The following MRPS17 variants were observed in gnomAD, a reference collection of about 807,000 sequenced individuals.
MRPS17 encodes the protein small ribosomal subunit protein uS17m.
MRPS17 carries 6 observed loss-of-function variants against 11.3 expected under a neutral mutation model. The ratio of observed to expected loss-of-function variants is 0.53; its 90% CI spans 0.29 to 1.05. The LOEUF (loss-of-function observed/expected upper bound fraction) is 1.05. MRPS17 is among the 50% of genes least tolerant of loss of function. MRPS17 has a pLI of 0.08. For synonymous variants in MRPS17, 56 were observed against 60.4 expected (o/e 0.93, Z 0.34); for missense variants, 139 against 153.6 (o/e 0.90, Z 0.50).
At chr7:55,953,374 T>A in intron 2 of MRPS17, 56 bp downstream of exon 2, 1 of 1,592,362 alleles carries the variant, frequency 6.3e-7, no homozygotes, top group South Asian at 1.1e-5. Context: ...ATGTCCTGGG[T>A]CCTAAGCAAA....
intron 2 of MRPS17, among the ~76,000 whole-genome samples, chr7:55,954,361 C>T (rs1475793994): frequency 6.6e-6 from 1 of 152,094 alleles, no homozygotes; most frequent in Admixed American, 6.6e-5. Flanking sequence ...TCTTGTTTAC[C>T]AGCTACACAC....
chr7:55,955,411 A>G lies in MRPS17; in HGVS notation c.*233A>G. 1 of 522,874 alleles carries G rather than the reference A, an allele frequency of 1.9e-6. No individual in the cohort carries two copies. The highest frequency in any genetic ancestry group is 3.4e-6 in the Non-Finnish European group (1 of 297,228). 32.4% of individuals were successfully genotyped at this position (522,874 alleles called of 1,614,324 possible). Reference sequence around the variant, plus strand: ...CTTCCACGTTACATTAAGTGTGCCTAGCAGTCTGTTGCATTTTGTAAGCTC... The same window carrying G: ...CTTCCACGTTACATTAAGTGTGCCTGGCAGTCTGTTGCATTTTGTAAGCTC... On this transcript the variant is annotated 3_prime_UTR_variant, in exon 3 of 3. Transcript: ENST00000285298.
rs1383386911 is a variant in MRPS17, at chr7:55,955,196, G to A, written c.*18G>A. 1.3e-6 allele frequency: 2 copies of A among 1,599,370 alleles called. No individual in the cohort carries two copies. The highest frequency in any genetic ancestry group is 1.7e-6 in the Non-Finnish European group (2 of 1,171,706). On this transcript the variant is annotated 3_prime_UTR_variant, in exon 3 of 3. Coordinates refer to ENST00000285298, the MANE Select transcript of MRPS17 (RefSeq NM_015969.3). ...CACAGTGAAGCGGGAGTGGAAGAAG[G>A]ATCTAAAGGGAAAAACTGACATGTT...
rs546835814 is a variant in MRPS17, at chr7:55,953,308, A to G, written c.113A>G (p.Tyr38Cys). ...GTGACCAGGCTTGTTCTGGATCCCTATTTATTAAAGGTGAGAAACATTCTT... is the reference window on the plus strand; with the variant it reads ...GTGACCAGGCTTGTTCTGGATCCCTGTTTATTAAAGGTGAGAAACATTCTT... Reference protein sequence around the residue: ...VRVTRLVLDPYLLKYFNKRKT... With the variant: ...VRVTRLVLDPCLLKYFNKRKT... The change falls in exon 2 of 3, where the codon TAT becomes TGT. Residue 38 changes from tyrosine to cysteine, a missense_variant. Tyr to Cys is a radical substitution (Grantham distance 194). Transcript: ENST00000285298. 48 of 1,613,944 alleles carry G rather than the reference A, an allele frequency of 3.0e-5. No individual in the cohort carries two copies. The highest frequency in any genetic ancestry group is 5.3e-5 in the African/African-American group (4 of 75,050).
intron 2 of MRPS17, among the ~76,000 whole-genome samples, chr7:55,953,664 A>G (rs1301341759): frequency 6.6e-6 from 1 of 152,194 alleles, no homozygotes; most frequent in Non-Finnish European, 1.5e-5. Context: ...TCTACTAAAA[A>G]TACAAAAATT....
intron 2 of MRPS17, 62 bp from the exon 3 acceptor site, chr7:55,954,847 C>T (rs1786702979): frequency 6.4e-7 from 1 of 1,556,780 alleles, no homozygotes; most frequent in South Asian, 1.2e-5. Flanking sequence ...TTTCATATTA[C>T]ATATTACATT....
chr7:55,956,239 C>G lies in MRPS17; in HGVS notation c.*1061C>G, dbSNP rs1321188133. The G allele has an allele frequency of 6.6e-6, 1 of 152,092 alleles. No individual in the cohort carries two copies. The highest frequency in any genetic ancestry group is 2.4e-5 in the African/African-American group (1 of 41,380). 9.4% of individuals were successfully genotyped at this position (152,092 alleles called of 1,614,324 possible). A position where few individuals can be genotyped will look rare whatever the true frequency, so the allele number is the denominator to read the frequency against. Reference sequence around the variant, plus strand: ...CCAGGTTCAAGTGATTCTGCTTCAGCCTCCTGAGTAGCTAGGATTACAGGC... The same window carrying G: ...CCAGGTTCAAGTGATTCTGCTTCAGGCTCCTGAGTAGCTAGGATTACAGGC... On this transcript the variant is annotated 3_prime_UTR_variant, in exon 3 of 3. Transcript: ENST00000285298.
At chr7:55,952,779 C>T (rs1347563872) in intron 1 of MRPS17, among the ~76,000 whole-genome samples, 1 of 151,462 alleles carries the variant, frequency 6.6e-6, no homozygotes, top group Non-Finnish European at 1.5e-5. Flanking sequence ...CGCCTGTAAT[C>T]CTAGCACTCT....
In MRPS17 at chr7:55,953,170, G is replaced by A. The variant is rs78352937; in HGVS notation, c.-17-9G>A. Reference sequence around the variant, plus strand: ...ACCAGAATATGAGACTTTGGAATTTGCTTTTCAGGTGACCAAAGCCACGTA... The same window carrying A: ...ACCAGAATATGAGACTTTGGAATTTACTTTTCAGGTGACCAAAGCCACGTA... On this transcript the variant is annotated splice_polypyrimidine_tract_variant and intron_variant, in intron 1 of 2. Coordinates refer to ENST00000285298, the MANE Select transcript of MRPS17 (RefSeq NM_015969.3). The A allele has an allele frequency of 5.6e-3, 9,049 of 1,613,318 alleles. 414 individuals are homozygous for A. The African/African-American group carries it at 0.1, about 18-fold the overall frequency.
chr7:55,952,956 C>T (rs1469105287), intron 1 of MRPS17, among the ~76,000 whole-genome samples: 1 of 151,970 alleles, frequency 6.6e-6, no homozygotes, highest in Non-Finnish European at 1.5e-5. Flanking sequence ...GGCGTGAACC[C>T]AGGAGGCGGC....
chr7:55,953,840 G>T (rs1786687235), intron 2 of MRPS17, among the ~76,000 whole-genome samples: 1 of 152,120 alleles, frequency 6.6e-6, no homozygotes, highest in Non-Finnish European at 1.5e-5. Flanking sequence ...TTCACAATAG[G>T]GTTTGTGCTC....
At chr7:55,954,860 C>A in intron 2 of MRPS17, 49 bp from the exon 3 acceptor site, 1 of 1,581,178 alleles carries the variant, frequency 6.3e-7, no homozygotes, top group South Asian at 1.2e-5. Flanking sequence ...ATTACATTAC[C>A]AGGTCACAGA....
chr7:55,955,189 G>C lies in MRPS17; in HGVS notation c.*11G>C. 6.2e-7 allele frequency: 1 copy of C among 1,607,824 alleles called. No individual in the cohort carries two copies. The highest frequency in any genetic ancestry group is 1.3e-5 in the African/African-American group (1 of 74,794). The stretch of plus-strand genomic sequence containing the variant: ...TCTTCAGCACAGTGAAGCGGGAGTG[G>C]AAGAAGGATCTAAAGGGAAAAACTG... On this transcript the variant is annotated 3_prime_UTR_variant, in exon 3 of 3. Coordinates refer to ENST00000285298, the MANE Select transcript of MRPS17 (RefSeq NM_015969.3).
intron 1 of MRPS17, 64 bp from the exon 2 acceptor site, chr7:55,953,115 T>C (rs1584329505): frequency 1.3e-6 from 2 of 1,579,676 alleles, no homozygotes; most frequent in Non-Finnish European, 1.7e-6. Context: ...TGGACAGTTC[T>C]TGTGACAAAA....
Position 55,954,906 on chromosome 7 carries a change from C to CAGT in MRPS17, c.124-1_125dup. 6.2e-7 allele frequency: 1 copy of CAGT among 1,612,050 alleles called. No homozygotes were observed. Among genetic ancestry groups the CAGT allele is most frequent in the Non-Finnish European group, 8.5e-7 (1 of 1,178,402 alleles). On this transcript the variant is annotated splice_region_variant and splice_polypyrimidine_tract_variant and intron_variant, in intron 2 of 2. Coordinates refer to ENST00000285298, the MANE Select transcript of MRPS17 (RefSeq NM_015969.3). ...TGATTTGCTTCTCTCCCTCTCTCAA[C>CAGT]AGTATTTTAATAAGCGGAAAACCTA...
intron 1 of MRPS17, among the ~76,000 whole-genome samples, chr7:55,952,518 T>G (rs1786654316): frequency 6.8e-6 from 1 of 146,846 alleles, no homozygotes; most frequent in Admixed American, 6.8e-5. Flanking sequence ...GCGGATCACC[T>G]GAGGTCAGGA....
intron 1 of MRPS17, 45 bp from the exon 2 acceptor site, chr7:55,953,134 G>T: frequency 1.9e-6 from 3 of 1,602,302 alleles, no homozygotes; most frequent in Non-Finnish European, 2.6e-6. Flanking sequence ...AATTCATGTG[G>T]CATCATAACC....
At position 55,953,117 on chromosome 7, in the gene MRPS17, G is replaced by A. The variant is rs150547689; in HGVS notation, c.-17-62G>A. 134 of 1,582,824 alleles carry A rather than the reference G, an allele frequency of 8.5e-5. No homozygotes were observed. The African/African-American group carries it at 1.6e-3, about 19-fold the overall frequency. On this transcript the variant is annotated intron_variant, in intron 1 of 2. Coordinates refer to ENST00000285298, the MANE Select transcript of MRPS17 (RefSeq NM_015969.3). ...TTCTGGACTAACCTGGACAGTTCTT[G>A]TGACAAAATTCATGTGGCATCATAA...
intron 1 of MRPS17, among the ~76,000 whole-genome samples, chr7:55,952,495 A>G (rs1480915318): frequency 6.6e-6 from 1 of 151,438 alleles, no homozygotes; most frequent in Non-Finnish European, 1.5e-5. Flanking sequence ...GCACTTTGGG[A>G]GGCTTGAGGC....
Sources: allele counts gnomAD v4.1 joint callset (sites outside exome capture counted in the v4.1 genomes callset), GRCh38; gene constraint gnomAD v4.1.1; transcripts MANE v1.5; gene names NCBI Gene and HGNC (gene_info 2026-07-23, HGNC 2026-07-21).